The following ZNF490 variants were observed in gnomAD, a reference collection of about 807,000 sequenced individuals.
ZNF490 encodes zinc finger protein 490.
A neutral mutation model predicts 17.7 loss-of-function variants in ZNF490; 11 were observed. That is an observed-to-expected ratio of 0.62 (90% CI 0.39 to 1.03). The LOEUF (loss-of-function observed/expected upper bound fraction) is 1.03. ZNF490 is among the 50% of genes least tolerant of loss of function. The pLI is 0.00. For missense variants in ZNF490, 542 were observed against 643.4 expected, an observed-to-expected ratio of 0.84 and a Z score of 1.71; for synonymous variants, 222 against 216.1, an observed-to-expected ratio of 1.03 and a Z score of -0.24.
At chr19:12,599,014 G>A (rs1453245654) in intron 2 of ZNF490, among the ~76,000 whole-genome samples, 1 of 147,392 alleles carries the variant, frequency 6.8e-6, no homozygotes, top group Non-Finnish European at 1.5e-5. Flanking sequence ...AGCTGGGTGT[G>A]GTGGCGGGGT....
At chr19:12,583,038 T>C in intron 3 of ZNF490, 128 bp from the exon 4 acceptor site, 1 of 793,214 alleles carries the variant, frequency 1.3e-6, no homozygotes, top group Non-Finnish European at 1.9e-6. Flanking sequence ...AAGTATTCTC[T>C]TCCCACATTT....
At chr19:12,600,932 A>C (rs180717850) in intron 2 of ZNF490, among the ~76,000 whole-genome samples, 5 of 152,130 alleles carry the variant, frequency 3.3e-5, no homozygotes, top group African/African-American at 1.2e-4. Flanking sequence ...TCTCCAAAAA[A>C]TACAAAAATT....
Position 12,578,975 on chromosome 19 carries a change from C to A in ZNF490, c.*1510G>T, listed in dbSNP as rs192215349. On this transcript the variant is annotated 3_prime_UTR_variant, in exon 5 of 5. Coordinates refer to ENST00000311437, the MANE Select transcript of ZNF490 (RefSeq NM_020714.3). The stretch of plus-strand genomic sequence containing the variant: ...CATGGTTTTAAAATGAACTGGAGGC[C>A]GGGCGCGGTGGCTCACGCCTATAAT... The A allele has an allele frequency of 5.3e-5, 52 of 985,518 alleles. No individual in the cohort carries two copies. The Middle Eastern group carries it at 1.6e-3, about 30-fold the overall frequency. 61.0% of individuals were successfully genotyped at this position (985,518 alleles called of 1,614,324 possible).
chr19:12,606,343 C>G (rs147471129), intron 2 of ZNF490, among the ~76,000 whole-genome samples: 1 of 121,678 alleles, frequency 8.2e-6, no homozygotes, highest in Non-Finnish European at 1.8e-5. Flanking sequence ...CTGGGTAATT[C>G]TTTTTTTTTT....
chr19:12,599,213 ATAAG>A (rs1258863818), intron 2 of ZNF490, among the ~76,000 whole-genome samples: 3 of 151,698 alleles, frequency 2.0e-5, no homozygotes, highest in Admixed American at 6.6e-5. Flanking sequence ...ATAAAAATAA[ATAAG>A]TATTTTTGGT....
In ZNF490 at chr19:12,577,565, C is replaced by A. The variant is rs996197415; in HGVS notation, c.*2920G>T. ...GTGAGAGAAGCGAAGGTGTGCATCT[C>A]CTGGCTCAGCCACCAGGTCCTCCAC... On this transcript the variant is annotated 3_prime_UTR_variant, in exon 5 of 5. Coordinates refer to ENST00000311437, the MANE Select transcript of ZNF490 (RefSeq NM_020714.3). 5.1e-6 allele frequency: 5 copies of A among 985,290 alleles called. No individual in the cohort carries two copies. Among genetic ancestry groups the A allele is most frequent in the Non-Finnish European group, 6.0e-6 (5 of 829,936 alleles). The allele number at this position is 985,290 out of a possible 1,614,324, so 61.0% of individuals were successfully genotyped here.
chr19:12,597,216 G>C (rs2022945587), intron 2 of ZNF490: 2 of 457,750 alleles, frequency 4.4e-6, no homozygotes, highest in Admixed American at 2.4e-5. Flanking sequence ...AGGTCCCAGT[G>C]AGACAAAGCA....
intron 2 of ZNF490, among the ~76,000 whole-genome samples, chr19:12,606,125 C>T (rs572214033): frequency 6.6e-6 from 1 of 152,124 alleles, no homozygotes; most frequent in Admixed American, 6.6e-5. Flanking sequence ...GGTGATCCAC[C>T]CACCTCGGCC....
At chr19:12,600,211 C>G (rs971782808) in intron 2 of ZNF490, among the ~76,000 whole-genome samples, 2 of 151,220 alleles carry the variant, frequency 1.3e-5, no homozygotes, top group Admixed American at 6.6e-5. Context: ...AAAAAAAACA[C>G]AAAAAATTAG....
chr19:12,577,873 G>T lies in ZNF490; in HGVS notation c.*2612C>A. 1.0e-6 allele frequency: 1 copy of T among 985,330 alleles called. No individual in the cohort carries two copies. The highest frequency in any genetic ancestry group is 1.2e-6 in the Non-Finnish European group (1 of 829,956). 61.0% of individuals were successfully genotyped at this position (985,330 alleles called of 1,614,324 possible). A position where few individuals can be genotyped will look rare whatever the true frequency, so the allele number is the denominator to read the frequency against. On this transcript the variant is annotated 3_prime_UTR_variant, in exon 5 of 5. Coordinates refer to ENST00000311437, the MANE Select transcript of ZNF490 (RefSeq NM_020714.3). The stretch of plus-strand genomic sequence containing the variant: ...CCTCCCTTCTAAAACACACTGACTT[G>T]CTAAGAAAAGGGGGGACTGACTCCA...
chr19:12,605,791 C>T (rs1342076233), intron 2 of ZNF490, among the ~76,000 whole-genome samples: 1 of 152,082 alleles, frequency 6.6e-6, no homozygotes, highest in Non-Finnish European at 1.5e-5. Context: ...TATTGGTGGA[C>T]CAGAAGTGAA....
In ZNF490 at chr19:12,587,020, C is replaced by T. The variant is rs2022811982; in HGVS notation, c.163-3464G>A. ...CAGAGGTTGCAGTGAGGCGAGATCGCGCCATGGCTCTCCAGCCTGGGCAAC... is the reference window on the plus strand; with the variant it reads ...CAGAGGTTGCAGTGAGGCGAGATCGTGCCATGGCTCTCCAGCCTGGGCAAC... On this transcript the variant is annotated intron_variant, in intron 2 of 4. Transcript: ENST00000311437. Among the ~76,000 whole-genome samples the T allele has an allele frequency of 4.6e-5, 4 of 86,292 alleles. 2 individuals are homozygous for T. Among genetic ancestry groups the T allele is most frequent in the Admixed American group, 4.4e-4 (4 of 9,142 alleles). The allele number at this position is 86,292 out of a possible 152,430, so 56.6% of individuals were successfully genotyped here.
intron 2 of ZNF490, 103 bp from the exon 3 acceptor site, chr19:12,583,659 G>C (rs904926110): frequency 2.5e-6 from 3 of 1,191,202 alleles, no homozygotes; most frequent in Non-Finnish European, 2.2e-6. Flanking sequence ...CTGTAGTCTC[G>C]GTTTAGTGGT....
chr19:12,590,853 T>A (rs1483553466), intron 2 of ZNF490, among the ~76,000 whole-genome samples: 2 of 150,524 alleles, frequency 1.3e-5, no homozygotes, highest in African/African-American at 4.9e-5. Context: ...TAAGATGGGG[T>A]GGATCACTTC....
At position 12,584,492 on chromosome 19, in the gene ZNF490, T is replaced by C. The variant is rs542445202; in HGVS notation, c.163-936A>G. 6.0e-4 allele frequency among the ~76,000 whole-genome samples: 57 copies of C among 94,280 alleles called. 16 individuals carry two copies. The highest frequency in any genetic ancestry group is 1.7e-3 in the African/African-American group (55 of 31,564). The allele number at this position is 94,280 out of a possible 152,430, so 61.9% of individuals were successfully genotyped here. The stretch of plus-strand genomic sequence containing the variant: ...CTTTAAATACAGACCCAAGACCATC[T>C]TGGATATATGAGAGAAATGCTGTAC... On this transcript the variant is annotated intron_variant, in intron 2 of 4. Transcript: ENST00000311437.
In ZNF490 at chr19:12,610,755, A is replaced by T. The variant is rs188742005; in HGVS notation, c.-75T>A. ...CGAGATCCGGAACAATTTCTGCTTC[A>T]ACACAATTGTCCACGGAGGGCACCA... is the stretch of plus-strand genomic sequence containing the variant. On this transcript the variant is annotated 5_prime_UTR_variant, in exon 1 of 5. Transcript: ENST00000311437. 8.3e-6 allele frequency: 12 copies of T among 1,454,250 alleles called. No individual in the cohort carries two copies. The East Asian group carries it at 2.7e-4, about 33-fold the overall frequency. 90.1% of individuals were successfully genotyped at this position (1,454,250 alleles called of 1,614,324 possible). A position where few individuals can be genotyped will look rare whatever the true frequency, so the allele number is the denominator to read the frequency against.
chr19:12,580,108 A>G lies in ZNF490; in HGVS notation c.*377T>C. Reference sequence around the variant, plus strand: ...GGCAACAAGAGCAAAATTACATCTCAACAAAAACAAAAACAAAAAACAAAC... The same window carrying G: ...GGCAACAAGAGCAAAATTACATCTCGACAAAAACAAAAACAAAAAACAAAC... On this transcript the variant is annotated 3_prime_UTR_variant, in exon 5 of 5. Coordinates refer to ENST00000311437, the MANE Select transcript of ZNF490 (RefSeq NM_020714.3). 1 of 997,112 alleles carries G rather than the reference A, an allele frequency of 1.0e-6. No individual in the cohort carries two copies. The highest frequency in any genetic ancestry group is 1.2e-6 in the Non-Finnish European group (1 of 836,908). 61.8% of individuals were successfully genotyped at this position (997,112 alleles called of 1,614,324 possible). A position where few individuals can be genotyped will look rare whatever the true frequency, so the allele number is the denominator to read the frequency against.
intron 2 of ZNF490, among the ~76,000 whole-genome samples, chr19:12,596,926 G>C (rs1024645385): frequency 6.6e-6 from 1 of 152,296 alleles, no homozygotes; most frequent in East Asian, 1.9e-4. Flanking sequence ...CACAATCTTC[G>C]GAGACGCGGG....
intron 2 of ZNF490, among the ~76,000 whole-genome samples, chr19:12,595,482 T>C (rs2022921304): frequency 6.6e-6 from 1 of 152,124 alleles, no homozygotes; most frequent in African/African-American, 2.4e-5. Flanking sequence ...AGAAAAATGC[T>C]TCATTTTTTT....
Sources: allele counts gnomAD v4.1 joint callset (sites outside exome capture counted in the v4.1 genomes callset), GRCh38; gene constraint gnomAD v4.1.1; transcripts MANE v1.5; gene names NCBI Gene and HGNC (gene_info 2026-07-23, HGNC 2026-07-21).